Variants in SUCO observed in about 807,000 individuals in gnomAD.
SUCO encodes the protein SUN domain containing ossification factor, also known as SUN domain-containing ossification factor.
Under a neutral mutation model 148.1 loss-of-function variants are expected in SUCO, and 57 were observed. The observed-to-expected ratio is 0.38, with a 90% CI of 0.31 to 0.48. The LOEUF (loss-of-function observed/expected upper bound fraction) is 0.48. Ranked by LOEUF, SUCO falls within the 20% of genes least tolerant of loss-of-function variation. The pLI is 0.96. For missense variants in SUCO, 1,331 were observed against 1,468.2 expected (o/e 0.91, Z 1.53); for synonymous variants, 470 against 502.7 (o/e 0.93, Z 0.87).
At chr1:172,575,196 A>G (rs1655346580) in intron 10 of SUCO, among the ~76,000 whole-genome samples, 1 of 152,016 alleles carries the variant, frequency 6.6e-6, no homozygotes, top group Non-Finnish European at 1.5e-5. Context: ...ACATGTCAGT[A>G]TGTGAAGAGC....
intron 22 of SUCO, 107 bp downstream of exon 22, chr1:172,602,894 T>C (rs1657624878): frequency 3.3e-6 from 3 of 915,538 alleles, no homozygotes; most frequent in Non-Finnish European, 5.1e-6. Flanking sequence ...AAAAAATGGA[T>C]ACAAGTAGCC....
chr1:172,562,996 A>G (rs1446646305), intron 6 of SUCO, among the ~76,000 whole-genome samples: 1 of 152,326 alleles, frequency 6.6e-6, no homozygotes, highest in East Asian at 1.9e-4. Context: ...TGCCATGTAA[A>G]GAAGGTACTT....
chr1:172,543,039 TAAAAAAAA>T, intron 1 of SUCO: 1 of 825,964 alleles, frequency 1.2e-6, no homozygotes, highest in Non-Finnish European at 1.4e-6. Flanking sequence ...GAAGAGTACA[TAAAAAAAA>T]AAAAGTTAAC....
intron 9 of SUCO, among the ~76,000 whole-genome samples, chr1:172,572,369 G>A (rs1655088917): frequency 6.6e-6 from 1 of 151,928 alleles, no homozygotes; most frequent in African/African-American, 2.4e-5. Flanking sequence ...AAATTCTTCT[G>A]CCTTGTGATC....
intron 1 of SUCO, among the ~76,000 whole-genome samples, chr1:172,535,367 C>G (rs908128917): frequency 1.3e-5 from 2 of 152,044 alleles, no homozygotes; most frequent in African/African-American, 4.8e-5. Context: ...TTTAGCAAAA[C>G]GATTAAAAGG....
chr1:172,588,825 G>T lies in SUCO; in HGVS notation c.1724G>T (p.Ser575Ile). The T allele has an allele frequency of 6.2e-7, 1 of 1,606,268 alleles. No individual in the cohort carries two copies. The highest frequency in any genetic ancestry group is 8.5e-7 in the Non-Finnish European group (1 of 1,176,734). ...TCAACACCAGATACTCCAAAAGAGA[G>T]TCCCATTGTACAGTTAGTTCAAGAG... Reference protein sequence around the residue: ...EPSTPDTPKESPIVQLVQEEE... With the variant: ...EPSTPDTPKEIPIVQLVQEEE... The change falls in exon 18 of 24, where the codon AGT (serine) becomes ATT (isoleucine). Residue 575 changes from serine (S) to isoleucine (I), a missense_variant. Around this residue, in one of 3 missense-constraint regions of SUCO, gnomAD observed 992 missense variants for 1,093.5 expected, o/e 0.91. Transcript: ENST00000263688.
chr1:172,569,332 T>G (rs1571226081), intron 7 of SUCO, 190 bp downstream of exon 7: 77 of 911,590 alleles, frequency 8.4e-5, no homozygotes, highest in Non-Finnish European at 9.6e-5. Flanking sequence ...ACAGTTTTAG[T>G]TTTAATTAAA....
Position 172,574,003 on chromosome 1 carries a change from A to C in SUCO, c.1157+5A>C, listed in dbSNP as rs1173927790. On this transcript the variant is annotated splice_donor_5th_base_variant and intron_variant, in intron 10 of 23. Coordinates refer to ENST00000263688, the MANE Select transcript of SUCO (RefSeq NM_014283.5). Reference sequence around the variant, plus strand: ...TCTGGTTTCTATCAGTGACAGGTAAATTCTAAAGCTGTTTCTATAGGGTCT... The same window carrying C: ...TCTGGTTTCTATCAGTGACAGGTAACTTCTAAAGCTGTTTCTATAGGGTCT... 1 of 1,505,598 alleles carries C rather than the reference A, an allele frequency of 6.6e-7. No homozygotes were observed. The highest frequency in any genetic ancestry group is 2.3e-5 in the East Asian group (1 of 44,152). The allele number at this position is 1,505,598 out of a possible 1,614,324, so 93.3% of individuals were successfully genotyped here.
At chr1:172,558,803 G>C (rs1653933232) in intron 6 of SUCO, among the ~76,000 whole-genome samples, 1 of 152,152 alleles carries the variant, frequency 6.6e-6, no homozygotes, top group Non-Finnish European at 1.5e-5. Flanking sequence ...ATCTTTGAAG[G>C]TATTTATAAT....
intron 19 of SUCO, among the ~76,000 whole-genome samples, chr1:172,597,405 A>G (rs1657192630): frequency 6.6e-6 from 1 of 152,234 alleles, no homozygotes; most frequent in Admixed American, 6.5e-5. Flanking sequence ...CTATTCGGCC[A>G]TCTTGGAACC....
At position 172,557,111 on chromosome 1, in the gene SUCO, T is replaced by C. The variant is rs954580208; in HGVS notation, c.444-169T>C. The C allele has an allele frequency of 1.4e-5, 14 of 981,278 alleles. No individual in the cohort carries two copies. In the Admixed American group the frequency reaches 7.4e-4, roughly 52 times the overall value. 60.8% of individuals were successfully genotyped at this position (981,278 alleles called of 1,614,324 possible). A position where few individuals can be genotyped will look rare whatever the true frequency, so the allele number is the denominator to read the frequency against. On this transcript the variant is annotated intron_variant, in intron 4 of 23. Coordinates refer to ENST00000263688, the MANE Select transcript of SUCO (RefSeq NM_014283.5). ...TAACCTCATATTTGGTAAGTAGTTA[T>C]TTAGAAGCTGAGGACAATAACAGAT...
chr1:172,541,618 A>C (rs1652462563), intron 1 of SUCO, among the ~76,000 whole-genome samples: 1 of 152,256 alleles, frequency 6.6e-6, no homozygotes, highest in Non-Finnish European at 1.5e-5. Flanking sequence ...AGTGCAGTGC[A>C]GTGCAGCAGA....
chr1:172,578,647 A>C lies in SUCO; in HGVS notation c.1432+258A>C, dbSNP rs906047452. The C allele has an allele frequency of 4.5e-6, 3 of 670,322 alleles. No homozygotes were observed. The African/African-American group carries it at 5.9e-5, about 13-fold the overall frequency. The allele number at this position is 670,322 out of a possible 1,614,324, so 41.5% of individuals were successfully genotyped here. On this transcript the variant is annotated intron_variant, in intron 14 of 23. Transcript: ENST00000263688. ...TTCTATAACATTAATGGTATAAATT[A>C]TGATTATATCCCTATGCCAGGGCCA...
chr1:172,602,835 C>T, intron 22 of SUCO, 48 bp downstream of exon 22: 1 of 1,461,336 alleles, frequency 6.8e-7, no homozygotes. Flanking sequence ...ATGAAACTAG[C>T]TTCTGGCATA....
rs751438235 is a variant in SUCO, at chr1:172,569,192, A to G, written c.856+50A>G. The G allele has an allele frequency of 5.2e-6, 7 of 1,344,170 alleles. No individual in the cohort carries two copies. Among genetic ancestry groups the G allele is most frequent in the Non-Finnish European group, 1.0e-6 (1 of 1,000,530 alleles). The allele number at this position is 1,344,170 out of a possible 1,614,324, so 83.3% of individuals were successfully genotyped here. A position where few individuals can be genotyped will look rare whatever the true frequency, so the allele number is the denominator to read the frequency against. On this transcript the variant is annotated intron_variant, in intron 7 of 23. Coordinates refer to ENST00000263688, the MANE Select transcript of SUCO (RefSeq NM_014283.5). ...AATTTTTTTTTTAAGTATATGGTGTAGTTTAATATGCTTTCTTTTTTTGAT... is the reference window on the plus strand; with the variant it reads ...AATTTTTTTTTTAAGTATATGGTGTGGTTTAATATGCTTTCTTTTTTTGAT...
rs1034000459 is a variant in SUCO, at chr1:172,608,561, C to T, written c.3266-186C>T. 8 of 599,842 alleles carry T rather than the reference C, an allele frequency of 1.3e-5. No individual in the cohort carries two copies. In the Admixed American group the frequency reaches 2.0e-4, roughly 15 times the overall value. The allele number at this position is 599,842 out of a possible 1,614,324, so 37.2% of individuals were successfully genotyped here. A position where few individuals can be genotyped will look rare whatever the true frequency, so the allele number is the denominator to read the frequency against. Reference sequence around the variant, plus strand: ...GCATAGGAATCATATCATCTTCCACCTTGCCTCTTTTTGCTTACTAATTTA... The same window carrying T: ...GCATAGGAATCATATCATCTTCCACTTTGCCTCTTTTTGCTTACTAATTTA... On this transcript the variant is annotated intron_variant, in intron 22 of 23. Transcript: ENST00000263688.
chr1:172,542,145 C>G (rs1199186780), intron 1 of SUCO, among the ~76,000 whole-genome samples: 4 of 151,894 alleles, frequency 2.6e-5, no homozygotes, highest in Admixed American at 6.6e-5. Flanking sequence ...TTTGGGAGGT[C>G]GAGGCAGGCG....
chr1:172,602,589 C>T lies in SUCO; in HGVS notation c.3174-107C>T, dbSNP rs981095691. On this transcript the variant is annotated intron_variant, in intron 21 of 23. Transcript: ENST00000263688. ...ATAACTGGAGTGTTAGAGTTAGTCCCGTGTGGTATGTACAGTTCTCAATAA... is the reference window on the plus strand; with the variant it reads ...ATAACTGGAGTGTTAGAGTTAGTCCTGTGTGGTATGTACAGTTCTCAATAA... The T allele has an allele frequency of 1.1e-5, 17 of 1,497,848 alleles. 1 individual carries two copies. The South Asian group carries it at 1.3e-4, about 11-fold the overall frequency. 92.8% of individuals were successfully genotyped at this position (1,497,848 alleles called of 1,614,324 possible).
chr1:172,566,627 A>G (rs1360485436), intron 6 of SUCO, among the ~76,000 whole-genome samples: 4 of 152,266 alleles, frequency 2.6e-5, no homozygotes, highest in Non-Finnish European at 5.9e-5. Context: ...TGCCTAGAGC[A>G]GCAGCTCAGA....
Sources: gnomAD v4.1 joint callset for allele counts (sites outside exome capture counted in the v4.1 genomes callset) on GRCh38, gnomAD v4.1.1 for gene constraint, gnomAD v4.1.1 regional missense constraint, MANE v1.5 for transcripts, NCBI Gene and HGNC (gene_info 2026-07-23, HGNC 2026-07-21) for gene names.